PRKCE: variants seen among roughly 807,000 people sequenced by gnomAD.
PRKCE encodes protein kinase C epsilon, also known as protein kinase C epsilon type.
A neutral mutation model predicts 85.4 loss-of-function variants in PRKCE; 16 were observed. The ratio of observed to expected loss-of-function variants is 0.19; its 90% CI spans 0.13 to 0.28. The LOEUF is 0.28. PRKCE is among the 10% of genes least tolerant of loss of function. The pLI, the probability that PRKCE is intolerant of heterozygous loss-of-function variation, is 1.00. For synonymous variants in PRKCE, 388 were observed against 371.5 expected (o/e 1.04, Z -0.51); for missense variants, 573 against 975.2 (o/e 0.59, Z 5.49).
At chr2:46,006,966 G>A (rs573638158) in intron 8 of PRKCE, among the ~76,000 whole-genome samples, 118 of 152,284 alleles carry the variant, frequency 7.7e-4, no homozygotes, top group Non-Finnish European at 1.3e-3. Flanking sequence ...AAGGTATGAA[G>A]GTTTCTACCT....
At chr2:45,805,266 T>C (rs746292928) in intron 1 of PRKCE, among the ~76,000 whole-genome samples, 1 of 152,200 alleles carries the variant, frequency 6.6e-6, no homozygotes, top group Non-Finnish European at 1.5e-5. Context: ...ATAGCTGGAC[T>C]CAAACCCAGT....
chr2:46,021,117 A>C (rs1242881838), intron 10 of PRKCE, among the ~76,000 whole-genome samples: 7 of 151,932 alleles, frequency 4.6e-5, no homozygotes, highest in African/African-American at 1.7e-4. Context: ...GGGCACAGTG[A>C]GTTTGGGGGC....
chr2:46,025,516 G>C (rs1207478299), intron 10 of PRKCE, among the ~76,000 whole-genome samples: 1 of 152,158 alleles, frequency 6.6e-6, no homozygotes, highest in African/African-American at 2.4e-5. Context: ...AGAGATGAGT[G>C]GGCTGACTAG....
chr2:45,733,022 G>A (rs1031595713), intron 1 of PRKCE, among the ~76,000 whole-genome samples: 1 of 152,240 alleles, frequency 6.6e-6, no homozygotes, highest in African/African-American at 2.4e-5. Flanking sequence ...TACCATTGTA[G>A]TGCAAAAGCA....
At chr2:45,678,185 C>T (rs1290908618) in intron 1 of PRKCE, among the ~76,000 whole-genome samples, 3 of 152,120 alleles carry the variant, frequency 2.0e-5, no homozygotes, top group Non-Finnish European at 4.4e-5. Flanking sequence ...TTTGGGTTTT[C>T]TTTTTTAAAC....
chr2:45,651,453 G>C (rs1675116489), upstream of PRKCE: 2 of 152,148 alleles, frequency 1.3e-5, no homozygotes, highest in African/African-American at 4.8e-5. Flanking sequence ...CGGCGGCCCC[G>C]GCTGGCCGTG....
chr2:45,779,094 C>G (rs1489019899), intron 1 of PRKCE, among the ~76,000 whole-genome samples: 1 of 152,162 alleles, frequency 6.6e-6, no homozygotes, highest in Non-Finnish European at 1.5e-5. Flanking sequence ...GTGAGGAAAC[C>G]CAGGCTCAGT....
intron 1 of PRKCE, among the ~76,000 whole-genome samples, 175 bp from the exon 2 acceptor site, chr2:45,842,825 G>A (rs1691466083): frequency 6.6e-6 from 1 of 152,188 alleles, no homozygotes; most frequent in East Asian, 1.9e-4. Context: ...TACCTATGGG[G>A]TATGCATCAG....
chr2:46,114,346 G>A (rs1423794082), intron 11 of PRKCE, among the ~76,000 whole-genome samples: 1 of 148,380 alleles, frequency 6.7e-6, no homozygotes, highest in African/African-American at 2.5e-5. Flanking sequence ...AGTCTTCCCA[G>A]AGATTGGGCA....
chr2:45,885,002 T>TATATATATATA (rs1553440407), intron 2 of PRKCE, among the ~76,000 whole-genome samples: 6 of 97,662 alleles, frequency 6.1e-5, no homozygotes, highest in African/African-American at 1.2e-4. Flanking sequence ...TATATATATA[T>TATATATATATA]TTGTTGTTGT....
At chr2:45,871,499 T>A (rs1694083880) in intron 2 of PRKCE, among the ~76,000 whole-genome samples, 1 of 152,256 alleles carries the variant, frequency 6.6e-6, no homozygotes, top group South Asian at 2.1e-4. Flanking sequence ...GCAAACTTGT[T>A]TTCTCAGCAG....
intron 1 of PRKCE, among the ~76,000 whole-genome samples, chr2:45,831,777 A>C (rs1452874450): frequency 1.3e-5 from 2 of 152,198 alleles, no homozygotes; most frequent in African/African-American, 4.8e-5. Flanking sequence ...CTGAGGAGTT[A>C]TGGGGCAGAG....
intron 2 of PRKCE, among the ~76,000 whole-genome samples, chr2:45,972,336 T>C (rs1702164027): frequency 6.6e-6 from 1 of 152,228 alleles, no homozygotes; most frequent in Non-Finnish European, 1.5e-5. Context: ...CATTGAATTG[T>C]GGGAGTTTCT....
At chr2:46,121,338 C>G (rs982402516) in intron 11 of PRKCE, among the ~76,000 whole-genome samples, 48 of 152,244 alleles carry the variant, frequency 3.2e-4, no homozygotes, top group Admixed American at 2.6e-4. Flanking sequence ...CCTCTTGGGG[C>G]CAGACTGCCT....
chr2:46,161,495 A>G (rs1677754609), intron 14 of PRKCE, among the ~76,000 whole-genome samples: 1 of 152,164 alleles, frequency 6.6e-6, no homozygotes, highest in Admixed American at 6.5e-5. Flanking sequence ...TCCAGGTCTC[A>G]GCAAAACCAC....
At chr2:45,859,218 A>T (rs551349401) in intron 2 of PRKCE, among the ~76,000 whole-genome samples, 5 of 152,066 alleles carry the variant, frequency 3.3e-5, no homozygotes, top group South Asian at 4.1e-4. Flanking sequence ...ATCAAAATTA[A>T]TTTATCCATT....
chr2:45,794,878 T>G (rs1394077330), intron 1 of PRKCE, among the ~76,000 whole-genome samples: 1 of 150,230 alleles, frequency 6.7e-6, no homozygotes, highest in Non-Finnish European at 1.5e-5. Flanking sequence ...CTTTTTTTCT[T>G]AACGGGAGAA....
chr2:45,718,339 CTTTTTTT>C (rs10708579), intron 1 of PRKCE, among the ~76,000 whole-genome samples: 1 of 83,346 alleles, frequency 1.2e-5, no homozygotes, highest in African/African-American at 5.3e-5. Flanking sequence ...CAAATGCTTA[CTTTTTTT>C]TTTTTTTTTT....
Position 45,895,218 on chromosome 2 carries a change from A to G in PRKCE, c.412+52155A>G, listed in dbSNP as rs935673. Among the ~76,000 whole-genome samples the G allele has an allele frequency of 0.35, 53,257 of 151,680 alleles. 9,783 individuals carry two copies. Among genetic ancestry groups the G allele is most frequent in the East Asian group, 0.57 (2,958 of 5,160 alleles). ...TGGATGAGGCACATGTTTCTAGACT[A>G]CTCTCCATTTTATTTTCTCACTTCT... On this transcript the variant is annotated intron_variant, in intron 2 of 14. Coordinates refer to ENST00000306156, the MANE Select transcript of PRKCE (RefSeq NM_005400.3). This position sits in a 1 kb window ranked among gnomAD's most constrained non-coding sequence, Gnocchi z 4.8.
Sources: allele counts gnomAD v4.1 joint callset (sites outside exome capture counted in the v4.1 genomes callset), GRCh38; gene constraint gnomAD v4.1.1; non-coding constraint Gnocchi (gnomAD v3.1); transcripts MANE v1.5; gene names NCBI Gene and HGNC (gene_info 2026-07-23, HGNC 2026-07-21).